The following TRPM3 variants were observed in gnomAD, a reference collection of about 807,000 sequenced individuals.
TRPM3 encodes the protein long transient receptor potential channel 3.
TRPM3 carries 77 observed loss-of-function variants against 181.2 expected under a neutral mutation model. That is an observed-to-expected ratio of 0.42 (90% confidence interval 0.35 to 0.51). The LOEUF (loss-of-function observed/expected upper bound fraction) is 0.51, where lower values mean the gene tolerates loss of function less well. Ranked by LOEUF, TRPM3 falls within the 20% of genes least tolerant of loss-of-function variation. The probability of loss-of-function intolerance (pLI) is 0.01; values close to 1 mark genes in which losing one functional copy is unlikely to be tolerated. For missense variants in TRPM3, 1,759 were observed against 2,196.7 expected (o/e 0.80, Z 3.98); for synonymous variants, 745 against 796.4 (o/e 0.94, Z 1.09).
intron 1 of TRPM3, among the ~76,000 whole-genome samples, chr9:71,043,051 A>T (rs1232392712): frequency 6.6e-6 from 1 of 152,212 alleles, no homozygotes; most frequent in Non-Finnish European, 1.5e-5. Context: ...TATTTCTGCC[A>T]AGTCCTTGCA....
At chr9:71,198,153 C>G (rs1160771668) in intron 1 of TRPM3, among the ~76,000 whole-genome samples, 2 of 151,018 alleles carry the variant, frequency 1.3e-5, no homozygotes, top group African/African-American at 2.4e-5. Flanking sequence ...GCTTGTTTTT[C>G]TCAGGTTTGT....
chr9:70,991,492 A>G (rs2097484110), intron 1 of TRPM3, among the ~76,000 whole-genome samples: 1 of 149,988 alleles, frequency 6.7e-6, no homozygotes, highest in Non-Finnish European at 1.5e-5. Flanking sequence ...CTGTATCATA[A>G]TTTTTAGGAA....
intron 1 of TRPM3, among the ~76,000 whole-genome samples, chr9:71,087,557 T>C (rs925458509): frequency 3.3e-5 from 5 of 152,088 alleles, no homozygotes; most frequent in African/African-American, 9.7e-5. Context: ...CTTGATACCC[T>C]TGTAGAACCC....
chr9:70,560,962 A>G (rs1332948777), intron 22 of TRPM3, among the ~76,000 whole-genome samples: 3 of 152,192 alleles, frequency 2.0e-5, no homozygotes, highest in Admixed American at 6.5e-5. Flanking sequence ...TTGTCCCTAA[A>G]AAGTCAGAGA....
At chr9:70,824,711 C>A (rs1005661852) in intron 6 of TRPM3, 2 of 152,206 alleles carry the variant, frequency 1.3e-5, no homozygotes, top group Non-Finnish European at 2.9e-5. Context: ...CAGGTGTGAG[C>A]CACTGTGCCC....
intron 1 of TRPM3, among the ~76,000 whole-genome samples, chr9:71,295,709 T>C (rs922969187): frequency 6.6e-6 from 1 of 151,782 alleles, no homozygotes; most frequent in Non-Finnish European, 1.5e-5. Flanking sequence ...CTTGGTAGCA[T>C]GTACTAGTAG....
chr9:70,967,104 A>C (rs2097193295), intron 1 of TRPM3, among the ~76,000 whole-genome samples: 1 of 152,104 alleles, frequency 6.6e-6, no homozygotes, highest in African/African-American at 2.4e-5. Flanking sequence ...TCTAATGAGG[A>C]AATGCTACCT....
intron 1 of TRPM3, among the ~76,000 whole-genome samples, chr9:70,960,752 G>A (rs550273815): frequency 6.6e-6 from 1 of 152,122 alleles, no homozygotes; most frequent in African/African-American, 2.4e-5. Flanking sequence ...CAAATGTGCC[G>A]TGTGTACACT....
chr9:70,903,231 C>T (rs1301745108), intron 1 of TRPM3, among the ~76,000 whole-genome samples: 1 of 152,196 alleles, frequency 6.6e-6, no homozygotes, highest in Non-Finnish European at 1.5e-5. Context: ...AGACAATGTG[C>T]TAGAAGCCTG....
chr9:70,687,343 T>C (rs2134364872), intron 8 of TRPM3, among the ~76,000 whole-genome samples: 1 of 152,316 alleles, frequency 6.6e-6, no homozygotes, highest in African/African-American at 2.4e-5. Context: ...AGATTTTAAA[T>C]TGGGTAGAAG....
chr9:71,352,018 G>A (rs1476554810), intron 1 of TRPM3, among the ~76,000 whole-genome samples: 3 of 151,880 alleles, frequency 2.0e-5, no homozygotes, highest in African/African-American at 7.2e-5. Context: ...TGGGACTACA[G>A]GCACCCGCCA....
intron 1 of TRPM3, among the ~76,000 whole-genome samples, chr9:71,185,859 G>A (rs766270666): frequency 6.6e-6 from 1 of 151,980 alleles, no homozygotes. Flanking sequence ...ATATTCATGG[G>A]GTATTCATCT....
At chr9:70,881,254 T>C (rs1419240679) in intron 1 of TRPM3, among the ~76,000 whole-genome samples, 2 of 152,142 alleles carry the variant, frequency 1.3e-5, no homozygotes, top group African/African-American at 4.8e-5. Context: ...CTTTAAACTT[T>C]CTTTTTATCA....
intron 1 of TRPM3, among the ~76,000 whole-genome samples, chr9:70,962,420 C>T (rs1008264266): frequency 3.9e-5 from 6 of 152,106 alleles, no homozygotes; most frequent in Non-Finnish European, 8.8e-5. Flanking sequence ...AATGGAAATC[C>T]TAACTCCATT....
rs770181101 is a variant in TRPM3 at position 70,603,421 on chromosome 9, T to C, written c.2717A>G (p.Lys906Arg). 2 of 1,614,046 alleles carry C rather than the reference T, an allele frequency of 1.2e-6. No homozygotes were observed. Among genetic ancestry groups the C allele is most frequent in the Non-Finnish European group, 1.7e-6 (2 of 1,180,018 alleles). Reference sequence around the variant, plus strand: ...CTGGGTGGACGGCCAGCGTTCCATCTTCACTAACACGATATAGTTGAAGAG... The same window carrying C: ...CTGGGTGGACGGCCAGCGTTCCATCCTCACTAACACGATATAGTTGAAGAG... Reference protein sequence around the residue: ...LMLFNYIVLVKMERWPSTQEW... With the variant: ...LMLFNYIVLVRMERWPSTQEW... Residue 906 changes from lysine (K) to arginine (R), a missense_variant, in exon 20 of 26, where the codon AAG (lysine) becomes AGG (arginine). Physicochemically the swap from Lys to Arg is conservative, Grantham distance 26. Transcript: ENST00000677713.
intron 8 of TRPM3, among the ~76,000 whole-genome samples, chr9:70,698,367 A>G (rs2071293878): frequency 6.6e-6 from 1 of 152,126 alleles, no homozygotes; most frequent in Non-Finnish European, 1.5e-5. Context: ...CTGCCCTTGA[A>G]CAAGTTCTTT....
chr9:70,964,632 T>C (rs1340340804), intron 1 of TRPM3, among the ~76,000 whole-genome samples: 2 of 152,102 alleles, frequency 1.3e-5, no homozygotes, highest in South Asian at 2.1e-4. Flanking sequence ...ATGTGAATTA[T>C]TATAAATAAC....
chr9:70,639,299 T>C (rs773079881), intron 10 of TRPM3, 105 bp from the exon 11 acceptor site: 43 of 1,301,048 alleles, frequency 3.3e-5, no homozygotes, highest in Middle Eastern at 2.4e-4. Flanking sequence ...TGACATCTGG[T>C]AAACCTTCAG....
intron 1 of TRPM3, among the ~76,000 whole-genome samples, chr9:71,411,293 G>GA (rs1469920738): frequency 6.6e-6 from 1 of 152,204 alleles, no homozygotes; most frequent in Non-Finnish European, 1.5e-5. Context: ...TATTCAATTA[G>GA]AAAAAGAGGA....
Sources: allele counts gnomAD v4.1 joint callset (sites outside exome capture counted in the v4.1 genomes callset), GRCh38; gene constraint gnomAD v4.1.1; transcripts MANE v1.5; gene names NCBI Gene and HGNC (gene_info 2026-07-23, HGNC 2026-07-21).